CRYL1: variants seen among roughly 807,000 people sequenced by gnomAD.
CRYL1 encodes the protein crystallin lambda 1, also known as lambda-crystallin homolog.
CRYL1 carries 29 observed loss-of-function variants against 36.6 expected under a neutral mutation model. The ratio of observed to expected loss-of-function variants is 0.79; its 90% CI spans 0.59 to 1.08. The LOEUF is 1.08. Ranked by LOEUF, CRYL1 falls within the 50% of genes least tolerant of loss-of-function variation. The pLI is 0.00. For missense variants in CRYL1, 411 were observed against 407.9 expected (o/e 1.01, Z -0.06); for synonymous variants, 152 against 151.5 (o/e 1.00, Z -0.02).
At chr13:20,511,906 CCT>C (rs2033923384) in intron 2 of CRYL1, among the ~76,000 whole-genome samples, 1 of 152,256 alleles carries the variant, frequency 6.6e-6, no homozygotes, top group Non-Finnish European at 1.5e-5. Context: ...CACTCTCACA[CCT>C]TTAACTAGTA....
chr13:20,481,555 G>A lies in CRYL1; in HGVS notation c.276+7815C>T, dbSNP rs192020345. Among the ~76,000 whole-genome samples, 11 of 152,240 alleles carry A rather than the reference G, an allele frequency of 7.2e-5. No homozygotes were observed. Among genetic ancestry groups the A allele is most frequent in the Non-Finnish European group, 1.2e-4 (8 of 68,014 alleles). ...GACACATAGCACTGAACCCTGAAAC[G>A]AGTGAATTTTCTTGTATGGAAATTA... is the stretch of plus-strand genomic sequence containing the variant. On this transcript the variant is annotated intron_variant, in intron 3 of 7. Transcript: ENST00000298248. This position sits in a 1 kb window ranked among gnomAD's most constrained non-coding sequence, Gnocchi z 4.1.
chr13:20,440,639 C>G (rs2032330236), intron 3 of CRYL1, among the ~76,000 whole-genome samples: 1 of 152,222 alleles, frequency 6.6e-6, no homozygotes, highest in Admixed American at 6.5e-5. Context: ...TTTTCCCTAT[C>G]TGCTTTGACC....
intron 3 of CRYL1, among the ~76,000 whole-genome samples, chr13:20,463,156 C>T (rs919945507): frequency 3.0e-4 from 45 of 152,242 alleles, no homozygotes; most frequent in African/African-American, 9.6e-4. Context: ...ACCTGCGTGT[C>T]GCACCTACCA....
chr13:20,508,863 A>AAAAC lies in CRYL1; in HGVS notation c.149+3579_149+3580insGTTT, dbSNP rs1443334187. 5.9e-3 allele frequency among the ~76,000 whole-genome samples: 329 copies of AAAAC among 55,370 alleles called. 10 individuals are homozygous for AAAAC. Among genetic ancestry groups the AAAAC allele is most frequent in the African/African-American group, 0.023 (311 of 13,792 alleles). 36.3% of individuals were successfully genotyped at this position (55,370 alleles called of 152,430 possible). Reference sequence around the variant, plus strand: ...AGCGAGACTCCAAAAAAAAAAAAAAAAAAAAAAAAAAACAAAAAAAAAAAA... The same window carrying AAAAC: ...AGCGAGACTCCAAAAAAAAAAAAAAAAAACAAAAAAAAAAAACAAAAAAAAAAAA... On this transcript the variant is annotated intron_variant, in intron 2 of 7. Transcript: ENST00000298248.
Position 20,404,107 on chromosome 13 carries a change from T to C in CRYL1, c.*22A>G. 1 of 1,532,484 alleles carries C rather than the reference T, an allele frequency of 6.5e-7. No homozygotes were observed. The highest frequency in any genetic ancestry group is 1.1e-5 in the South Asian group (1 of 89,276). The allele number at this position is 1,532,484 out of a possible 1,614,324, so 94.9% of individuals were successfully genotyped here. A position where few individuals can be genotyped will look rare whatever the true frequency, so the allele number is the denominator to read the frequency against. On this transcript the variant is annotated 3_prime_UTR_variant, in exon 8 of 8. Coordinates refer to ENST00000298248, the MANE Select transcript of CRYL1 (RefSeq NM_015974.3). Reference sequence around the variant, plus strand: ...CAAATAGGGCCTCCAATGAGAGGAGTGGAAGCTGCATTACAAGAAATTCAC... The same window carrying C: ...CAAATAGGGCCTCCAATGAGAGGAGCGGAAGCTGCATTACAAGAAATTCAC...
chr13:20,428,643 A>G (rs2031985966), intron 5 of CRYL1, among the ~76,000 whole-genome samples: 1 of 152,212 alleles, frequency 6.6e-6, no homozygotes, highest in South Asian at 2.1e-4. Flanking sequence ...GCAGCAAGAC[A>G]CTGTCACGGG....
At chr13:20,490,545 T>C (rs1027226062) in intron 2 of CRYL1, among the ~76,000 whole-genome samples, 2 of 152,144 alleles carry the variant, frequency 1.3e-5, no homozygotes, top group African/African-American at 4.8e-5. Flanking sequence ...AGCACAACAA[T>C]GTAAATATAC....
At chr13:20,417,714 G>A (rs1343058004) in intron 5 of CRYL1, among the ~76,000 whole-genome samples, 4 of 152,164 alleles carry the variant, frequency 2.6e-5, no homozygotes, top group African/African-American at 9.7e-5. Context: ...CCACAGTGGA[G>A]TAACACATGC....
At chr13:20,406,533 G>A (rs1395431164) in intron 6 of CRYL1, among the ~76,000 whole-genome samples, 1 of 152,184 alleles carries the variant, frequency 6.6e-6, no homozygotes, top group Non-Finnish European at 1.5e-5. Flanking sequence ...TGGCAGTGCA[G>A]AATTCTGGAA....
rs2033282155 is a variant in CRYL1 at position 20,481,756 on chromosome 13, C to G, written c.276+7614G>C. On this transcript the variant is annotated intron_variant, in intron 3 of 7. Transcript: ENST00000298248. This position sits in a 1 kb window ranked among gnomAD's most constrained non-coding sequence, Gnocchi z 4.1. ...TGAAACCCCGTCTCTACTAAAAATA[C>G]AAAACTTAGCCCGGCATGGTGGTGG... Among the ~76,000 whole-genome samples the G allele has an allele frequency of 6.6e-6, 1 of 151,932 alleles. No homozygotes were observed. The highest frequency in any genetic ancestry group is 1.5e-5 in the Non-Finnish European group (1 of 67,982).
At chr13:20,505,977 AC>A (rs2033790699) in intron 2 of CRYL1, among the ~76,000 whole-genome samples, 2 of 152,170 alleles carry the variant, frequency 1.3e-5, no homozygotes, top group Admixed American at 6.5e-5. Flanking sequence ...CAAAATACTT[AC>A]AAAAACAAAG....
intron 2 of CRYL1, among the ~76,000 whole-genome samples, chr13:20,503,039 A>G (rs1420081306): frequency 2.0e-5 from 3 of 152,210 alleles, no homozygotes. Context: ...ATATGCAGCA[A>G]GATCACTCGG....
At chr13:20,516,052 A>G (rs1593502836) in intron 1 of CRYL1, among the ~76,000 whole-genome samples, 1 of 152,018 alleles carries the variant, frequency 6.6e-6, no homozygotes, top group South Asian at 2.1e-4. Flanking sequence ...TTAGCCAGGT[A>G]TGGTGGCGGG....
intron 1 of CRYL1, among the ~76,000 whole-genome samples, chr13:20,519,310 T>C (rs952201264): frequency 6.6e-6 from 1 of 152,066 alleles, no homozygotes; most frequent in Admixed American, 6.6e-5. Flanking sequence ...GAACTGAGGA[T>C]TGACCATTGG....
chr13:20,442,446 A>T (rs916246955), intron 3 of CRYL1, among the ~76,000 whole-genome samples: 6 of 152,202 alleles, frequency 3.9e-5, no homozygotes, highest in Non-Finnish European at 8.8e-5. Flanking sequence ...CCTGGTCTGA[A>T]AAAGGGAGTC....
chr13:20,516,140 A>C (rs1161459962), intron 1 of CRYL1, among the ~76,000 whole-genome samples: 2 of 149,992 alleles, frequency 1.3e-5, no homozygotes, highest in African/African-American at 2.5e-5. Context: ...GCGGTGAGCC[A>C]AGATGGCACC....
At chr13:20,510,969 G>A (rs907003999) in intron 2 of CRYL1, among the ~76,000 whole-genome samples, 5 of 152,126 alleles carry the variant, frequency 3.3e-5, no homozygotes, top group African/African-American at 9.7e-5. Context: ...GAACATGGCT[G>A]GCAGGTAGTT....
chr13:20,524,672 C>T (rs908730997), intron 1 of CRYL1, among the ~76,000 whole-genome samples: 4 of 151,938 alleles, frequency 2.6e-5, no homozygotes, highest in African/African-American at 9.7e-5. Context: ...CCACCGCGCG[C>T]GGCCCAAAGT....
chr13:20,505,754 T>A (rs1202075428), intron 2 of CRYL1, among the ~76,000 whole-genome samples: 1 of 152,198 alleles, frequency 6.6e-6, no homozygotes, highest in African/African-American at 2.4e-5. Flanking sequence ...GACCCAAAAG[T>A]CAATGCAACC....
Sources: allele counts gnomAD v4.1 joint callset (sites outside exome capture counted in the v4.1 genomes callset), GRCh38; gene constraint gnomAD v4.1.1; non-coding constraint Gnocchi (gnomAD v3.1); transcripts MANE v1.5; gene names NCBI Gene and HGNC (gene_info 2026-07-23, HGNC 2026-07-21).